Variants in RBFOX1 observed in about 807,000 individuals in gnomAD.
The protein encoded by RBFOX1 is RNA binding protein fox-1 homolog 1.
RBFOX1 carries 8 observed loss-of-function variants against 57.7 expected under a neutral mutation model. The ratio of observed to expected loss-of-function variants is 0.14; its 90% CI spans 0.08 to 0.25. RBFOX1 has a LOEUF of 0.25. Among genes scored for constraint, RBFOX1 ranks in the 10% least tolerant of loss-of-function variants. The probability of loss-of-function intolerance (pLI) is 1.00; values close to 1 mark genes in which losing one functional copy is unlikely to be tolerated. For missense variants in RBFOX1, 611 were observed against 548.5 expected, an observed-to-expected ratio of 1.11 and a Z score of -1.14; for synonymous variants, 326 against 222.4, an observed-to-expected ratio of 1.47 and a Z score of -4.15.
At chr16:7,504,400 G>A (rs1458495015) in intron 4 of RBFOX1, among the ~76,000 whole-genome samples, 4 of 151,730 alleles carry the variant, frequency 2.6e-5, no homozygotes, top group Non-Finnish European at 5.9e-5. Context: ...AGGGTGGCAG[G>A]AACATGGTCT....
intron 4 of RBFOX1, among the ~76,000 whole-genome samples, chr16:7,235,508 C>T (rs116951300): frequency 2.5e-3 from 376 of 152,302 alleles, no homozygotes; most frequent in South Asian, 5.6e-3. Context: ...TAGTTTTTGA[C>T]ATTTTATGGG....
intron 2 of RBFOX1, among the ~76,000 whole-genome samples, chr16:6,612,880 T>C (rs1345011953): frequency 1.1e-5 from 1 of 91,906 alleles, no homozygotes; most frequent in Non-Finnish European, 2.5e-5. Context: ...AATAATAATA[T>C]TTGTTTGTTC....
rs74004611 is a variant in RBFOX1, at chr16:5,810,524, C to T, written c.319-56779C>T. On this transcript the variant is annotated intron_variant, in intron 3 of 19. Transcript: ENST00000641259. ...ACTAATACACAGGCGATGCTCAGCT[C>T]AGCACACATACCTGCACTTCTATCC... 7.3e-3 allele frequency among the ~76,000 whole-genome samples: 1,108 copies of T among 152,276 alleles called. 16 individuals carry two copies. Among genetic ancestry groups the T allele is most frequent in the African/African-American group, 0.025 (1,055 of 41,542 alleles).
chr16:6,738,091 A>G (rs1352852827), intron 3 of RBFOX1, among the ~76,000 whole-genome samples: 1 of 152,032 alleles, frequency 6.6e-6, no homozygotes, highest in African/African-American at 2.4e-5. Context: ...AAAAAAAAAA[A>G]AAGTCAGGCA....
chr16:5,751,906 C>T (rs1428819186), intron 3 of RBFOX1, among the ~76,000 whole-genome samples: 1 of 152,134 alleles, frequency 6.6e-6, no homozygotes, highest in Non-Finnish European at 1.5e-5. Flanking sequence ...CCATTTGACC[C>T]AGCAATCCCA....
chr16:6,729,823 G>A (rs2068090087), intron 3 of RBFOX1, among the ~76,000 whole-genome samples: 1 of 152,086 alleles, frequency 6.6e-6, no homozygotes, highest in African/African-American at 2.4e-5. Context: ...ATTTCTCCTG[G>A]TAAATGCTGA....
rs2067708376 is a variant in RBFOX1 at position 5,430,770 on chromosome 16, A to G, written c.220-36446A>G. On this transcript the variant is annotated intron_variant, in intron 1 of 2. Transcript: ENST00000585867. ...ATTGTAGTAATATAAGTATTTTGCAATAGCCTTTGCAAAAGGCAAAGTATT... is the reference window on the plus strand; with the variant it reads ...ATTGTAGTAATATAAGTATTTTGCAGTAGCCTTTGCAAAAGGCAAAGTATT... Among the ~76,000 whole-genome samples the G allele has an allele frequency of 3.9e-5, 6 of 152,250 alleles. No homozygotes were observed. The South Asian group carries it at 1.2e-3, about 32-fold the overall frequency.
intron 3 of RBFOX1, among the ~76,000 whole-genome samples, chr16:6,707,259 T>C (rs934455735): frequency 3.3e-5 from 5 of 152,168 alleles, no homozygotes; most frequent in Non-Finnish European, 5.9e-5. Flanking sequence ...CCTCCAATAT[T>C]TGGGAGCTGC....
chr16:6,853,159 C>T (rs56081887), intron 3 of RBFOX1, among the ~76,000 whole-genome samples: 1 of 152,162 alleles, frequency 6.6e-6, no homozygotes, highest in South Asian at 2.1e-4. Flanking sequence ...TTCTCTGAGC[C>T]TGAGTTTCCT....
At chr16:7,487,898 A>G (rs998479723) in intron 4 of RBFOX1, among the ~76,000 whole-genome samples, 1 of 152,176 alleles carries the variant, frequency 6.6e-6, no homozygotes, top group Non-Finnish European at 1.5e-5. Flanking sequence ...AGGAAAAGCA[A>G]ATCTATTACC....
chr16:6,479,678 C>T (rs935594018), intron 2 of RBFOX1, among the ~76,000 whole-genome samples: 1 of 152,064 alleles, frequency 6.6e-6, no homozygotes, highest in Non-Finnish European at 1.5e-5. Flanking sequence ...AAACTGCCCC[C>T]ATGATCCAAT....
intron 4 of RBFOX1, among the ~76,000 whole-genome samples, chr16:7,386,851 A>G (rs940570285): frequency 6.6e-6 from 1 of 152,202 alleles, no homozygotes; most frequent in Non-Finnish European, 1.5e-5. Flanking sequence ...CCAACAGTGT[A>G]AAAGTGTTCC....
intron 4 of RBFOX1, among the ~76,000 whole-genome samples, chr16:6,005,603 G>C (rs1053025683): frequency 6.6e-6 from 1 of 152,198 alleles, no homozygotes; most frequent in Non-Finnish European, 1.5e-5. Context: ...ATATTAAACA[G>C]CCTCCCTGGC....
At chr16:6,065,398 A>G (rs1170669937) in intron 1 of RBFOX1, among the ~76,000 whole-genome samples, 1 of 152,030 alleles carries the variant, frequency 6.6e-6, no homozygotes, top group African/African-American at 2.4e-5. Flanking sequence ...TGGTGGTCAC[A>G]GTTTCAGTGC....
intron 3 of RBFOX1, among the ~76,000 whole-genome samples, chr16:6,695,934 G>A (rs2060975197): frequency 6.6e-6 from 1 of 152,152 alleles, no homozygotes; most frequent in South Asian, 2.1e-4. Flanking sequence ...ACAACTGACT[G>A]TTCCTTTTAT....
At chr16:6,217,664 A>G (rs2097344719) in intron 1 of RBFOX1, among the ~76,000 whole-genome samples, 1 of 152,052 alleles carries the variant, frequency 6.6e-6, no homozygotes, top group Admixed American at 6.6e-5. Context: ...GGACCACTTC[A>G]TTTCTCACTG....
chr16:7,151,184 C>G (rs529767162), intron 4 of RBFOX1, among the ~76,000 whole-genome samples: 1 of 152,076 alleles, frequency 6.6e-6, no homozygotes, highest in East Asian at 1.9e-4. Context: ...GCTACCTTGG[C>G]AAAAATCAGA....
intron 5 of RBFOX1, among the ~76,000 whole-genome samples, chr16:7,571,253 T>G (rs1004945309): frequency 2.0e-5 from 3 of 152,164 alleles, no homozygotes. Context: ...CCCACTTACC[T>G]GGTCATCACT....
chr16:6,894,874 G>C (rs140028301), intron 3 of RBFOX1, among the ~76,000 whole-genome samples: 2 of 152,112 alleles, frequency 1.3e-5, no homozygotes, highest in South Asian at 2.1e-4. Context: ...GTTCTCAAAT[G>C]GATGTTTCAT....
Sources: allele counts gnomAD v4.1 joint callset (sites outside exome capture counted in the v4.1 genomes callset), GRCh38; gene constraint gnomAD v4.1.1; transcripts MANE v1.5; gene names NCBI Gene and HGNC (gene_info 2026-07-23, HGNC 2026-07-21).